The following NBEA variants were observed in gnomAD, a reference collection of about 807,000 sequenced individuals.
NBEA encodes the protein neurobeachin, also known as lysosomal-trafficking regulator 2.
Under a neutral mutation model 343.4 loss-of-function variants are expected in NBEA, and 44 were observed. The observed-to-expected ratio is 0.13, with a 90% confidence interval of 0.10 to 0.16. The LOEUF is 0.16. Ranked by LOEUF, NBEA falls within the 10% of genes least tolerant of loss-of-function variation. The pLI is 1.00. For missense variants in NBEA, 2,555 were observed against 3,631.3 expected, an observed-to-expected ratio of 0.70 and a Z score of 7.62; for synonymous variants, 1,175 against 1,238.7, an observed-to-expected ratio of 0.95 and a Z score of 1.08.
intron 41 of NBEA, chr13:35,474,795 G>C (rs926970128): frequency 2.3e-6 from 1 of 432,484 alleles, no homozygotes; most frequent in Non-Finnish European, 4.1e-6. Flanking sequence ...GAGTGTTACG[G>C]TGTACTTTTC....
chr13:35,187,493 A>T (rs920386088), intron 30 of NBEA, among the ~76,000 whole-genome samples: 1 of 150,028 alleles, frequency 6.7e-6, no homozygotes, highest in African/African-American at 2.4e-5. Flanking sequence ...TTTATAATAT[A>T]TAATAACTAT....
chr13:35,309,014 A>C (rs1297142859), intron 35 of NBEA, among the ~76,000 whole-genome samples: 1 of 151,964 alleles, frequency 6.6e-6, no homozygotes, highest in Non-Finnish European at 1.5e-5. Flanking sequence ...CTTTTTTCTA[A>C]TTAGCATTAA....
intron 10 of NBEA, among the ~76,000 whole-genome samples, chr13:35,093,140 T>C (rs927781232): frequency 6.6e-6 from 1 of 151,862 alleles, no homozygotes; most frequent in African/African-American, 2.4e-5. Flanking sequence ...AAATATGTAG[T>C]GATAGAGAAA....
Position 35,159,086 on chromosome 13 carries a change from A to G in NBEA, c.2915A>G (p.Asn972Ser). ...GAATATCAAAGACAAGAGGAGGAAAACATTAAAAAGGGAAAGAAAGGGAAT... is the reference window on the plus strand; with the variant it reads ...GAATATCAAAGACAAGAGGAGGAAAGCATTAAAAAGGGAAAGAAAGGGAAT... ...YEEYQRQEEE[N>S]IKKGKKGNVS... The change falls in exon 22 of 59, where the codon AAC becomes AGC. Residue 972 changes from asparagine to serine, a missense_variant. Around this residue, in one of 21 missense-constraint regions of NBEA, gnomAD observed 18 missense variants for 21.7 expected, o/e 0.83. Coordinates refer to ENST00000379939, the MANE Select transcript of NBEA (RefSeq NM_001385012.1). 1 of 1,613,476 alleles carries G rather than the reference A, an allele frequency of 6.2e-7. No homozygotes were observed. Among genetic ancestry groups the G allele is most frequent in the South Asian group, 1.1e-5 (1 of 91,042 alleles).
At chr13:35,527,456 T>C (rs1202296850) in intron 41 of NBEA, among the ~76,000 whole-genome samples, 1 of 152,148 alleles carries the variant, frequency 6.6e-6, no homozygotes, top group Non-Finnish European at 1.5e-5. Context: ...CCAAGCTGTT[T>C]ATGCTGAGAG....
intron 33 of NBEA, among the ~76,000 whole-genome samples, chr13:35,225,572 T>A (rs2074605423): frequency 6.6e-6 from 1 of 152,156 alleles, no homozygotes; most frequent in Non-Finnish European, 1.5e-5. Flanking sequence ...GAATACTGGT[T>A]AGGTTTGAAT....
intron 41 of NBEA, among the ~76,000 whole-genome samples, chr13:35,543,785 C>A (rs1045064888): frequency 6.6e-6 from 1 of 152,086 alleles, no homozygotes; most frequent in African/African-American, 2.4e-5. Flanking sequence ...AATAGCATCA[C>A]CAAGACATGT....
chr13:34,990,629 A>C (rs2060718535), intron 1 of NBEA, among the ~76,000 whole-genome samples: 1 of 145,654 alleles, frequency 6.9e-6, no homozygotes, highest in South Asian at 2.2e-4. Flanking sequence ...GGCTGCGGGA[A>C]AGCCTTCAAG....
intron 38 of NBEA, among the ~76,000 whole-genome samples, chr13:35,379,483 C>T (rs1172410366): frequency 6.6e-6 from 1 of 152,008 alleles, no homozygotes; most frequent in Non-Finnish European, 1.5e-5. Context: ...TTGCAAATAT[C>T]CTACTCTGGG....
chr13:35,062,914 A>G (rs886603345), intron 8 of NBEA, among the ~76,000 whole-genome samples: 5 of 151,968 alleles, frequency 3.3e-5, no homozygotes, highest in African/African-American at 1.2e-4. Context: ...TACGTAGTTG[A>G]AAAGTTGCTG....
At chr13:35,422,264 C>T (rs1344002769) in intron 38 of NBEA, among the ~76,000 whole-genome samples, 2 of 151,454 alleles carry the variant, frequency 1.3e-5, no homozygotes, top group Non-Finnish European at 2.9e-5. Context: ...CGTCATTTAG[C>T]ATCAGGTATA....
At chr13:35,351,335 G>T (rs1462227281) in intron 37 of NBEA, among the ~76,000 whole-genome samples, 1 of 151,580 alleles carries the variant, frequency 6.6e-6, no homozygotes, top group Non-Finnish European at 1.5e-5. Flanking sequence ...TATATTTATT[G>T]TAGTTTTCTG....
chr13:35,541,315 G>C (rs1020488999), intron 41 of NBEA, among the ~76,000 whole-genome samples: 5 of 151,554 alleles, frequency 3.3e-5, no homozygotes, highest in African/African-American at 4.9e-5. Context: ...CCACCAAACT[G>C]TGAACTCCTA....
intron 1 of NBEA, among the ~76,000 whole-genome samples, chr13:34,986,865 G>A (rs1394881956): frequency 6.6e-6 from 1 of 150,646 alleles, no homozygotes; most frequent in Middle Eastern, 3.4e-3. Context: ...CCATTTGCTT[G>A]GTAGCTCTTC....
intron 38 of NBEA, among the ~76,000 whole-genome samples, chr13:35,388,086 A>G (rs1594444600): frequency 6.6e-6 from 1 of 152,140 alleles, no homozygotes; most frequent in Admixed American, 6.6e-5. Context: ...TTTTTAATCA[A>G]CTATCAATTA....
chr13:35,067,498 TA>T (rs1358532843), intron 8 of NBEA, among the ~76,000 whole-genome samples: 2 of 152,248 alleles, frequency 1.3e-5, no homozygotes, highest in East Asian at 3.9e-4. Flanking sequence ...ACAAGTCAAT[TA>T]TTTTTTTATA....
At chr13:35,295,955 T>C (rs1477669450) in intron 35 of NBEA, among the ~76,000 whole-genome samples, 1 of 152,196 alleles carries the variant, frequency 6.6e-6, no homozygotes, top group East Asian at 1.9e-4. Context: ...TGTTATAAAA[T>C]ATTTTTTCTA....
At chr13:35,548,386 C>T (rs2079159314) in intron 41 of NBEA, among the ~76,000 whole-genome samples, 1 of 152,136 alleles carries the variant, frequency 6.6e-6, no homozygotes, top group African/African-American at 2.4e-5. Context: ...GTCAAATTTT[C>T]ATTACACCAT....
intron 36 of NBEA, among the ~76,000 whole-genome samples, chr13:35,344,031 G>T (rs1275006656): frequency 6.6e-6 from 1 of 152,008 alleles, no homozygotes; most frequent in Admixed American, 6.6e-5. Flanking sequence ...GACATAGTTA[G>T]ATCATAACAC....
Sources: gnomAD v4.1 joint callset for allele counts (sites outside exome capture counted in the v4.1 genomes callset) on GRCh38, gnomAD v4.1.1 for gene constraint, gnomAD v4.1.1 regional missense constraint, MANE v1.5 for transcripts, NCBI Gene and HGNC (gene_info 2026-07-23, HGNC 2026-07-21) for gene names.